HOOK1: variants seen among roughly 807,000 people sequenced by gnomAD.
The protein encoded by HOOK1 is hook microtubule tethering protein 1.
HOOK1 carries 60 observed loss-of-function variants against 112.8 expected under a neutral mutation model. That is an observed-to-expected ratio of 0.53 (90% CI 0.43 to 0.66). The LOEUF (loss-of-function observed/expected upper bound fraction) is 0.66, where lower values mean the gene tolerates loss of function less well. HOOK1 is among the 30% of genes least tolerant of loss of function. The probability of loss-of-function intolerance (pLI) is 0.00; values close to 1 mark genes in which losing one functional copy is unlikely to be tolerated. For missense variants in HOOK1, 770 were observed against 856.0 expected, an observed-to-expected ratio of 0.90 and a Z score of 1.25; for synonymous variants, 294 against 283.8, an observed-to-expected ratio of 1.04 and a Z score of -0.36.
intron 12 of HOOK1, among the ~76,000 whole-genome samples, chr1:59,850,181 C>A (rs2098406363): frequency 6.6e-6 from 1 of 151,486 alleles, no homozygotes; most frequent in Non-Finnish European, 1.5e-5. Context: ...GGAAAAATGT[C>A]TCTTCAAATC....
rs191052190 is a variant in HOOK1, at chr1:59,834,473, G to A, written c.407-872G>A. 3.3e-3 allele frequency among the ~76,000 whole-genome samples: 496 copies of A among 152,164 alleles called. 1 individual carries two copies. Among genetic ancestry groups the A allele is most frequent in the African/African-American group, 0.011 (472 of 41,514 alleles). On this transcript the variant is annotated intron_variant, in intron 5 of 21. Transcript: ENST00000371208. Reference sequence around the variant, plus strand: ...AGTCCATCTCTACTATTTACTAGAAGTTTTTTTCTAGGACAAGCCAGTACT... The same window carrying A: ...AGTCCATCTCTACTATTTACTAGAAATTTTTTTCTAGGACAAGCCAGTACT...
chr1:59,869,178 A>G (rs1644015228), intron 20 of HOOK1, among the ~76,000 whole-genome samples: 1 of 151,960 alleles, frequency 6.6e-6, no homozygotes, highest in Non-Finnish European at 1.5e-5. Flanking sequence ...ATTCTCATAA[A>G]TGGTACTCAG....
intron 21 of HOOK1, among the ~76,000 whole-genome samples, chr1:59,872,261 G>C (rs1189955446): frequency 6.6e-6 from 1 of 152,200 alleles, no homozygotes; most frequent in Non-Finnish European, 1.5e-5. Flanking sequence ...ATAGACTATA[G>C]TAAATTTAAT....
intron 10 of HOOK1, 45 bp downstream of exon 10, chr1:59,847,230 T>C: frequency 6.8e-7 from 1 of 1,480,950 alleles, no homozygotes; most frequent in East Asian, 2.3e-5. Context: ...TTCTGAGCTA[T>C]TTAGTCAATT....
chr1:59,825,380 A>G (rs2098389104), intron 2 of HOOK1, among the ~76,000 whole-genome samples: 1 of 152,062 alleles, frequency 6.6e-6, no homozygotes, highest in South Asian at 2.1e-4. Context: ...TTTTTTTTGT[A>G]AGAGGGAGAA....
Position 59,860,242 on chromosome 1 carries a change from A to C in HOOK1, c.1446A>C (p.Glu482Asp). The change falls in exon 15 of 22, where the codon GAA becomes GAC. Residue 482 changes from glutamate to aspartate, a missense_variant. Transcript: ENST00000371208. ...HENKMLRLQQ[E>D]GSENERIEEL... ...ATAAGATGCTTCGCTTACAGCAAGA[A>C]GGCTCTGAGAATGAACGTATTGAGG... The C allele has an allele frequency of 6.2e-7, 1 of 1,610,656 alleles. No homozygotes were observed. The highest frequency in any genetic ancestry group is 1.3e-5 in the African/African-American group (1 of 74,930).
chr1:59,828,830 T>G lies in HOOK1; in HGVS notation c.200T>G (p.Val67Gly). ...ESWLSRIKED[V>G]GDNWRIKASN... ...TGGTTAAGCCGAATTAAAGAGGATG[T>G]TGGGGACAACTGGAGAATAAAGGTA... Residue 67 changes from valine (V) to glycine (G), a missense_variant, in exon 3 of 22, where the codon GTT becomes GGT. Coordinates refer to ENST00000371208, the MANE Select transcript of HOOK1 (RefSeq NM_015888.6). The G allele has an allele frequency of 2.5e-6, 4 of 1,613,290 alleles. No individual in the cohort carries two copies. The highest frequency in any genetic ancestry group is 1.7e-4 in the Middle Eastern group (1 of 6,058).
intron 8 of HOOK1, among the ~76,000 whole-genome samples, chr1:59,843,084 TA>T (rs1467272898): frequency 6.6e-6 from 1 of 151,932 alleles, no homozygotes; most frequent in Non-Finnish European, 1.5e-5. Context: ...AAAATTAGTT[TA>T]TACCTAAAAG....
intron 12 of HOOK1, among the ~76,000 whole-genome samples, chr1:59,852,734 G>A (rs151125869): frequency 6.6e-6 from 1 of 151,094 alleles, no homozygotes; most frequent in East Asian, 1.9e-4. Flanking sequence ...AGAAAGTTAA[G>A]TTATTGATTT....
At chr1:59,864,943 A>AC in intron 17 of HOOK1, 1 of 567,246 alleles carries the variant, frequency 1.8e-6, no homozygotes, top group Non-Finnish European at 3.2e-6. Context: ...CCTATAAAAT[A>AC]TTTTACTTTC....
rs1325169893 is a variant in HOOK1 at position 59,874,800 on chromosome 1, T to G, written c.*1835T>G. 2.0e-5 allele frequency: 3 copies of G among 152,634 alleles called. No individual in the cohort carries two copies. Among genetic ancestry groups the G allele is most frequent in the African/African-American group, 4.8e-5 (2 of 41,468 alleles). The allele number at this position is 152,634 out of a possible 1,614,324, so 9.5% of individuals were successfully genotyped here. A position where few individuals can be genotyped will look rare whatever the true frequency, so the allele number is the denominator to read the frequency against. On this transcript the variant is annotated 3_prime_UTR_variant, in exon 22 of 22. Transcript: ENST00000371208. Reference sequence around the variant, plus strand: ...ATTTACAGTATTATTATTTTTTAGATACCTGGTTTTTAGATTCTTGCCTGG... The same window carrying G: ...ATTTACAGTATTATTATTTTTTAGAGACCTGGTTTTTAGATTCTTGCCTGG...
chr1:59,858,590 T>C (rs2098411884), intron 13 of HOOK1, 75 bp downstream of exon 13: 2 of 978,680 alleles, frequency 2.0e-6, no homozygotes, highest in African/African-American at 3.2e-5. Context: ...AAATAAAAAC[T>C]TAACCTGTCA....
intron 21 of HOOK1, 124 bp downstream of exon 21, chr1:59,871,234 GTA>G (rs1174167887): frequency 3.3e-6 from 2 of 601,908 alleles, no homozygotes; most frequent in African/African-American, 3.7e-5. Context: ...GCATGTTTAT[GTA>G]TATGACTGAA....
chr1:59,872,441 T>TC (rs897357418), intron 21 of HOOK1, among the ~76,000 whole-genome samples: 2 of 152,180 alleles, frequency 1.3e-5, no homozygotes, highest in African/African-American at 4.8e-5. Flanking sequence ...GGACCACCCT[T>TC]CAAGAACCTT....
intron 2 of HOOK1, among the ~76,000 whole-genome samples, chr1:59,823,499 G>T (rs1364036694): frequency 6.6e-6 from 1 of 152,126 alleles, no homozygotes; most frequent in Non-Finnish European, 1.5e-5. Flanking sequence ...ATGCTATGTT[G>T]TGAATATTGG....
chr1:59,835,274 A>G (rs1354592260), intron 5 of HOOK1, 71 bp from the exon 6 acceptor site: 2 of 822,130 alleles, frequency 2.4e-6, no homozygotes, highest in Non-Finnish European at 4.2e-6. Context: ...TTTATAGTCT[A>G]TTAATTTGAT....
At chr1:59,858,898 A>ACAG in intron 13 of HOOK1, 87 bp from the exon 14 acceptor site, 1 of 640,688 alleles carries the variant, frequency 1.6e-6, no homozygotes, top group Non-Finnish European at 2.6e-6. Flanking sequence ...AGAAAGAAAA[A>ACAG]CAAAGAGAGG....
intron 8 of HOOK1, among the ~76,000 whole-genome samples, chr1:59,842,787 C>A (rs2098401673): frequency 6.6e-6 from 1 of 151,894 alleles, no homozygotes; most frequent in African/African-American, 2.4e-5. Context: ...GAAGTAGAAC[C>A]AGGAGAGAAA....
chr1:59,858,441 A>G lies in HOOK1; in HGVS notation c.1256A>G (p.Gln419Arg). Residue 419 changes from glutamine (Q) to arginine (R), a missense_variant, in exon 13 of 22, where the codon CAG (glutamine) becomes CGG (arginine). Coordinates refer to ENST00000371208, the MANE Select transcript of HOOK1 (RefSeq NM_015888.6). ...LLKEKERLIE[Q>R]RDTLKETNEE... ...AATTCTTTTCAGAGACTAATTGAGC[A>G]GCGTGATACTTTGAAAGAAACAAAT... The G allele has an allele frequency of 6.2e-7, 1 of 1,610,106 alleles. No homozygotes were observed. The highest frequency in any genetic ancestry group is 8.5e-7 in the Non-Finnish European group (1 of 1,176,338).
Sources: gnomAD v4.1 joint callset for allele counts (sites outside exome capture counted in the v4.1 genomes callset) on GRCh38, gnomAD v4.1.1 for gene constraint, MANE v1.5 for transcripts, NCBI Gene and HGNC (gene_info 2026-07-23, HGNC 2026-07-21) for gene names.